Variants in PAX7 observed in about 807,000 individuals in gnomAD.
PAX7 encodes paired box 7.
In PAX7, 18 loss-of-function variants were observed where a neutral mutation model predicts 50.7. The ratio of observed to expected loss-of-function variants is 0.36; its 90% confidence interval spans 0.25 to 0.53. The LOEUF (loss-of-function observed/expected upper bound fraction) is 0.53. Ranked by LOEUF, PAX7 falls within the 20% of genes least tolerant of loss-of-function variation. The pLI, the probability that PAX7 is intolerant of heterozygous loss-of-function variation, is 0.93. For missense variants in PAX7, 644 were observed against 702.9 expected, an observed-to-expected ratio of 0.92 and a Z score of 0.95; for synonymous variants, 310 against 290.4, an observed-to-expected ratio of 1.07 and a Z score of -0.69.
chr1:18,702,076 C>A (rs2089229351), intron 6 of PAX7, among the ~76,000 whole-genome samples: 1 of 151,920 alleles, frequency 6.6e-6, no homozygotes, highest in Non-Finnish European at 1.5e-5. Context: ...CTCACAACTG[C>A]AATCCCAGCA....
chr1:18,698,972 G>C (rs983276556), intron 5 of PAX7, among the ~76,000 whole-genome samples: 1 of 152,168 alleles, frequency 6.6e-6, no homozygotes, highest in African/African-American at 2.4e-5. Context: ...GGGGGTCTTG[G>C]GTGATCAGGT....
At chr1:18,659,391 C>A (rs564415472) in intron 4 of PAX7, among the ~76,000 whole-genome samples, 38 of 152,304 alleles carry the variant, frequency 2.5e-4, no homozygotes, top group African/African-American at 8.7e-4. Flanking sequence ...TTCCCTCCCC[C>A]TCCTTTCCAC....
In PAX7 at chr1:18,691,797, C is replaced by T; in HGVS notation, c.630C>T (p.Asp210=). Residue 210 remains aspartate (D), a synonymous_variant, in exon 5 of 9, where the codon GAC becomes GAT. Transcript: ENST00000420770. Reference sequence around the variant, plus strand: ...GCTCGGATGTGGAGTCGGAACCTGACCTCCCACTGAAGCGCAAGCAGCGAC... The same window carrying T: ...GCTCGGATGTGGAGTCGGAACCTGATCTCCCACTGAAGCGCAAGCAGCGAC... ...DEGSDVESEP[D]LPLKRKQRRS... 1 of 1,606,328 alleles carries T rather than the reference C, an allele frequency of 6.2e-7. No homozygotes were observed. The highest frequency in any genetic ancestry group is 8.5e-7 in the Non-Finnish European group (1 of 1,176,784).
intron 1 of PAX7, among the ~76,000 whole-genome samples, chr1:18,633,091 C>A (rs908712630): frequency 4.6e-5 from 7 of 152,100 alleles, no homozygotes; most frequent in African/African-American, 1.7e-4. Flanking sequence ...GACTTTGCGA[C>A]GCACGATTTC....
intron 7 of PAX7, among the ~76,000 whole-genome samples, chr1:18,710,037 C>A (rs988453469): frequency 1.3e-5 from 2 of 152,240 alleles, no homozygotes; most frequent in African/African-American, 4.8e-5. Flanking sequence ...GCCCTCCTGG[C>A]ATTGTCTGAG....
intron 7 of PAX7, among the ~76,000 whole-genome samples, chr1:18,716,500 T>TTA (rs1366775936): frequency 1.9e-5 from 1 of 53,290 alleles, no homozygotes; most frequent in African/African-American, 6.4e-5. Context: ...GTTTGTTGTT[T>TTA]TTTGTTTTTT....
chr1:18,681,741 TTTTA>T (rs1266916197), intron 4 of PAX7, among the ~76,000 whole-genome samples: 180 of 84,700 alleles, frequency 2.1e-3, no homozygotes, highest in African/African-American at 4.0e-3. Flanking sequence ...TTTTATTTTA[TTTTA>T]TTTTATTTTT....
chr1:18,691,857 G>C lies in PAX7; in HGVS notation c.690G>C (p.Glu230Asp), dbSNP rs1196872406. The C allele has an allele frequency of 1.2e-6, 2 of 1,613,936 alleles. No individual in the cohort carries two copies. The highest frequency in any genetic ancestry group is 1.7e-6 in the Non-Finnish European group (2 of 1,179,970). ...SRTTFTAEQL[E>D]ELEKAFERTH... The stretch of plus-strand genomic sequence containing the variant: ...CCACATTCACGGCCGAGCAGCTGGA[G>C]GAGCTGGAGAAGGCCTTTGAGAGGA... The change falls in exon 5 of 9, where the codon GAG becomes GAC. Residue 230 changes from glutamate to aspartate, a missense_variant. Glu to Asp is a conservative substitution (Grantham distance 45, BLOSUM62 2). Coordinates refer to ENST00000420770, the MANE Select transcript of PAX7 (RefSeq NM_001135254.2).
At chr1:18,679,861 T>A (rs116335107) in intron 4 of PAX7, among the ~76,000 whole-genome samples, 2,989 of 152,318 alleles carry the variant, frequency 0.02, 43 homozygotes, top group Non-Finnish European at 0.032. Flanking sequence ...CTTGCCTTTG[T>A]GTTTTGCGCC....
intron 4 of PAX7, among the ~76,000 whole-genome samples, chr1:18,677,516 G>T (rs1308586889): frequency 1.3e-5 from 2 of 152,180 alleles, no homozygotes; most frequent in East Asian, 3.9e-4. Flanking sequence ...CACCTGTTGG[G>T]CACATGCTTC....
At chr1:18,683,705 T>A (rs1037937299) in intron 4 of PAX7, among the ~76,000 whole-genome samples, 1 of 152,146 alleles carries the variant, frequency 6.6e-6, no homozygotes, top group Non-Finnish European at 1.5e-5. Flanking sequence ...TCCGGCACGG[T>A]GGTCGGTGCC....
chr1:18,700,835 C>T lies in PAX7; in HGVS notation c.952+17C>T. 2.8e-6 allele frequency: 4 copies of T among 1,431,272 alleles called. No individual in the cohort carries two copies. The highest frequency in any genetic ancestry group is 2.8e-5 in the Admixed American group (1 of 35,246). 88.7% of individuals were successfully genotyped at this position (1,431,272 alleles called of 1,614,324 possible). On this transcript the variant is annotated intron_variant, in intron 6 of 8. Coordinates refer to ENST00000420770, the MANE Select transcript of PAX7 (RefSeq NM_001135254.2). The surrounding 1 kb of genome is among the most constrained non-coding windows in gnomAD (Gnocchi z 4.8). The stretch of plus-strand genomic sequence containing the variant: ...TCTCCCAAGGTGAGTGTCTTGGCCC[C>T]GTCCTGCCATCTCAGTGGTGCCCCT...
At chr1:18,671,759 G>A (rs1029651497) in intron 4 of PAX7, among the ~76,000 whole-genome samples, 6 of 151,852 alleles carry the variant, frequency 4.0e-5, no homozygotes, top group South Asian at 2.1e-4. Flanking sequence ...TGAAGCAGGA[G>A]GATCACTCGA....
chr1:18,721,339 G>A (rs934989549), intron 7 of PAX7, among the ~76,000 whole-genome samples: 2 of 152,116 alleles, frequency 1.3e-5, no homozygotes, highest in African/African-American at 4.8e-5. Context: ...CACCCCCAAG[G>A]CCTGGGACCA....
intron 4 of PAX7, among the ~76,000 whole-genome samples, chr1:18,690,068 C>T (rs2089044814): frequency 6.6e-6 from 1 of 152,202 alleles, no homozygotes; most frequent in Admixed American, 6.5e-5. Flanking sequence ...CACAAGGTCT[C>T]CCAAGATCTT....
chr1:18,744,914 T>C lies in PAX7; in HGVS notation c.1503T>C (p.Thr501=). The change falls in exon 9 of 9, where the codon ACT becomes ACC. Residue 501 remains threonine (T), a synonymous_variant. Coordinates refer to ENST00000420770, the MANE Select transcript of PAX7 (RefSeq NM_001135254.2). The stretch of plus-strand genomic sequence containing the variant: ...TGCTGGGACTCCTGCCTGTGGAAAC[T>C]GGCCAGGCCTACTAGGGCCCCTGGG... ...SAVLGLLPVE[T]GQAY is the part of the protein sequence containing the mutation. 6.5e-7 allele frequency: 1 copy of C among 1,548,528 alleles called. No homozygotes were observed. The highest frequency in any genetic ancestry group is 8.7e-7 in the Non-Finnish European group (1 of 1,143,394).
rs566551014 is a variant in PAX7, at chr1:18,741,145, C to T, written c.1403-3669C>T. On this transcript the variant is annotated intron_variant, in intron 8 of 8. Transcript: ENST00000420770. ...AATAGCTAGAAGAGAGGATTTGAAA[C>T]ACATAGAAATGATAAATACTGGGCC... is the stretch of plus-strand genomic sequence containing the variant. Among the ~76,000 whole-genome samples, 3 of 152,230 alleles carry T rather than the reference C, an allele frequency of 2.0e-5. No individual in the cohort carries two copies. The East Asian group carries it at 5.8e-4, about 29-fold the overall frequency.
chr1:18,702,973 T>A (rs1485558378), intron 6 of PAX7, 121 bp from the exon 7 acceptor site: 1 of 889,974 alleles, frequency 1.1e-6, no homozygotes, highest in Non-Finnish European at 1.7e-6. Flanking sequence ...GAGAGGGTGG[T>A]CCCTTCCCTC....
chr1:18,701,021 C>CT lies in PAX7; in HGVS notation c.952+204dup, dbSNP rs200990068. Among the ~76,000 whole-genome samples, 688 of 152,328 alleles carry CT rather than the reference C, an allele frequency of 4.5e-3. 9 individuals are homozygous for CT. Among genetic ancestry groups the CT allele is most frequent in the Non-Finnish European group, 3.9e-3 (262 of 68,036 alleles). On this transcript the variant is annotated intron_variant, in intron 6 of 8. Coordinates refer to ENST00000420770, the MANE Select transcript of PAX7 (RefSeq NM_001135254.2). ...CCAGGTGGGATCCCCAAGGCAGCCCCTGTGCACCTGTTTAGAACTGAGCTT... is the reference window on the plus strand; with the variant it reads ...CCAGGTGGGATCCCCAAGGCAGCCCCTTGTGCACCTGTTTAGAACTGAGCTT...
Sources: allele counts gnomAD v4.1 joint callset (sites outside exome capture counted in the v4.1 genomes callset), GRCh38; gene constraint gnomAD v4.1.1; non-coding constraint Gnocchi (gnomAD v3.1); transcripts MANE v1.5; gene names NCBI Gene and HGNC (gene_info 2026-07-23, HGNC 2026-07-21).